Variants in DCC observed in about 807,000 individuals in gnomAD.
DCC encodes the protein netrin receptor DCC.
DCC carries 58 observed loss-of-function variants against 172.5 expected under a neutral mutation model. That is an observed-to-expected ratio of 0.34 (90% confidence interval 0.27 to 0.42). The LOEUF (loss-of-function observed/expected upper bound fraction) is 0.42. DCC is among the 10% of genes least tolerant of loss of function. The pLI, the probability that DCC is intolerant of heterozygous loss-of-function variation, is 1.00. For missense variants in DCC, 1,740 were observed against 1,791.0 expected (o/e 0.97, Z 0.51); for synonymous variants, 709 against 644.5 (o/e 1.10, Z -1.52).
intron 1 of DCC, among the ~76,000 whole-genome samples, chr18:52,554,761 T>C (rs2032867110): frequency 6.6e-6 from 1 of 152,086 alleles, no homozygotes; most frequent in Non-Finnish European, 1.5e-5. Flanking sequence ...TTAAAGTAAA[T>C]TCACAGGCTC....
At chr18:52,494,795 A>G (rs1207288408) in intron 1 of DCC, among the ~76,000 whole-genome samples, 2 of 151,874 alleles carry the variant, frequency 1.3e-5, no homozygotes, top group Non-Finnish European at 2.9e-5. Flanking sequence ...CTCACTGTGG[A>G]TCTATTTGTG....
At chr18:52,497,029 G>A (rs2030781321) in intron 1 of DCC, among the ~76,000 whole-genome samples, 1 of 151,548 alleles carries the variant, frequency 6.6e-6, no homozygotes, top group South Asian at 2.1e-4. Flanking sequence ...TAAGGCAGGA[G>A]GGTCCCTCAA....
chr18:52,467,677 G>A (rs1422109767), intron 1 of DCC, among the ~76,000 whole-genome samples: 3 of 152,064 alleles, frequency 2.0e-5, no homozygotes, highest in East Asian at 1.9e-4. Context: ...GCGTAAAATC[G>A]TTCCTGTTTC....
chr18:53,351,847 C>T lies in DCC; in HGVS notation c.2359+11940C>T, dbSNP rs115145932. On this transcript the variant is annotated intron_variant, in intron 15 of 28. Coordinates refer to ENST00000442544, the MANE Select transcript of DCC (RefSeq NM_005215.4). Reference sequence around the variant, plus strand: ...TCTAAGCACTTCAGAAATAACAAATCTATTTCTTCATCCCCCTCACTATGT... The same window carrying T: ...TCTAAGCACTTCAGAAATAACAAATTTATTTCTTCATCCCCCTCACTATGT... 2.7e-3 allele frequency among the ~76,000 whole-genome samples: 409 copies of T among 151,952 alleles called. 2 individuals are homozygous for T. The highest frequency in any genetic ancestry group is 9.6e-3 in the African/African-American group (399 of 41,518).
In DCC at chr18:52,925,316, G is replaced by A. The variant is rs780451060; in HGVS notation, c.931G>A (p.Val311Ile). ...TDDDSGMYTCVVTYKNENISA... is the reference protein window; with the variant it reads ...TDDDSGMYTCIVTYKNENISA... The stretch of plus-strand genomic sequence containing the variant: ...TGATGACAGTGGAATGTATACCTGT[G>A]TTGTCACATATAAAAATGAGAATAT... Residue 311 changes from valine (V) to isoleucine (I), a missense_variant, in exon 5 of 29, where the codon GTT (valine) becomes ATT (isoleucine). Val to Ile is a conservative substitution (Grantham distance 29). Coordinates refer to ENST00000442544, the MANE Select transcript of DCC (RefSeq NM_005215.4). The A allele has an allele frequency of 1.2e-6, 2 of 1,612,512 alleles. No homozygotes were observed. The highest frequency in any genetic ancestry group is 2.2e-5 in the East Asian group (1 of 44,818).
chr18:52,495,004 T>G (rs900171783), intron 1 of DCC, among the ~76,000 whole-genome samples: 8 of 152,102 alleles, frequency 5.3e-5, no homozygotes, highest in Non-Finnish European at 1.5e-5. Flanking sequence ...GGGACTGAGC[T>G]GAATCAAGGC....
At chr18:52,340,949 C>A (rs1240981923) in intron 1 of DCC, 71 bp downstream of exon 1, 5 of 1,229,140 alleles carry the variant, frequency 4.1e-6, no homozygotes, top group Non-Finnish European at 6.0e-6. Flanking sequence ...TTTCATTTGG[C>A]GAGTAGTAGA....
intron 3 of DCC, among the ~76,000 whole-genome samples, chr18:52,913,857 A>C (rs1397832309): frequency 6.6e-6 from 1 of 152,020 alleles, no homozygotes; most frequent in Admixed American, 6.6e-5. Flanking sequence ...CATGAAGCAA[A>C]AGTCACAAAA....
chr18:53,014,562 A>G (rs1326032410), intron 5 of DCC, among the ~76,000 whole-genome samples: 4 of 151,164 alleles, frequency 2.6e-5, no homozygotes, highest in East Asian at 3.9e-4. Context: ...TCCTTGCGAT[A>G]GTTTGCTGAG....
chr18:52,856,152 ATAATT>A (rs1216530802), intron 2 of DCC, among the ~76,000 whole-genome samples: 1 of 152,220 alleles, frequency 6.6e-6, no homozygotes, highest in Non-Finnish European at 1.5e-5. Flanking sequence ...CCTTGTTTAA[ATAATT>A]TAAGTCAATG....
At chr18:53,522,669 G>C (rs2046413067) in intron 27 of DCC, among the ~76,000 whole-genome samples, 1 of 152,034 alleles carries the variant, frequency 6.6e-6, no homozygotes, top group African/African-American at 2.4e-5. Context: ...CCGGGGAAAG[G>C]ATTCCCTATT....
chr18:53,385,622 T>C (rs562620223), intron 15 of DCC, among the ~76,000 whole-genome samples: 2 of 152,338 alleles, frequency 1.3e-5, no homozygotes, highest in Middle Eastern at 3.4e-3. Context: ...TGCTGTGCTT[T>C]CCAGCATTAG....
intron 12 of DCC, among the ~76,000 whole-genome samples, chr18:53,256,529 C>A (rs183537830): frequency 2.6e-5 from 4 of 151,758 alleles, no homozygotes; most frequent in Admixed American, 6.6e-5. Context: ...TTGTAATATG[C>A]GGCATTATTT....
At chr18:53,355,107 G>C (rs1389186394) in intron 15 of DCC, among the ~76,000 whole-genome samples, 4 of 152,052 alleles carry the variant, frequency 2.6e-5, no homozygotes, top group Non-Finnish European at 5.9e-5. Context: ...TTATTTCTGA[G>C]GGCTCTGTTC....
intron 25 of DCC, 111 bp downstream of exon 25, chr18:53,468,121 A>G: frequency 2.8e-6 from 2 of 720,588 alleles, no homozygotes; most frequent in East Asian, 5.3e-5. Context: ...AACTTTCTGG[A>G]CAAATGGAAA....
rs576709869 is a variant in DCC, at chr18:53,129,173, C to T, written c.1262-28183C>T. Among the ~76,000 whole-genome samples the T allele has an allele frequency of 4.6e-5, 7 of 152,098 alleles. No homozygotes were observed. The South Asian group carries it at 1.0e-3, about 23-fold the overall frequency. ...AAGTGCTAGTATTATAGGCATGAGA[C>T]ACTGTTCTCAGCCTCTATATTCTTA... On this transcript the variant is annotated intron_variant, in intron 7 of 28. Coordinates refer to ENST00000442544, the MANE Select transcript of DCC (RefSeq NM_005215.4).
At chr18:53,216,887 G>A (rs1054033773) in intron 12 of DCC, among the ~76,000 whole-genome samples, 18 of 152,084 alleles carry the variant, frequency 1.2e-4, no homozygotes, top group African/African-American at 3.4e-4. Context: ...CAACAACACT[G>A]CTTTAGAGAT....
chr18:53,444,486 G>A (rs373895228), intron 22 of DCC, among the ~76,000 whole-genome samples: 3 of 152,090 alleles, frequency 2.0e-5, no homozygotes, highest in East Asian at 1.9e-4. Flanking sequence ...GTGACAGAAC[G>A]AGAGTCTGTC....
At chr18:52,802,643 CTTT>C (rs776080029) in intron 2 of DCC, among the ~76,000 whole-genome samples, 15 of 38,182 alleles carry the variant, frequency 3.9e-4, no homozygotes, top group African/African-American at 4.6e-4. Flanking sequence ...CACGCCAAGC[CTTT>C]TTTTTTTTTT....
Sources: gnomAD v4.1 joint callset for allele counts (sites outside exome capture counted in the v4.1 genomes callset) on GRCh38, gnomAD v4.1.1 for gene constraint, MANE v1.5 for transcripts, NCBI Gene and HGNC (gene_info 2026-07-23, HGNC 2026-07-21) for gene names.